Variants in PHF21B observed in about 807,000 individuals in gnomAD.
The protein encoded by PHF21B is PHD finger protein 4.
PHF21B carries 22 observed loss-of-function variants against 62.2 expected under a neutral mutation model. The ratio of observed to expected loss-of-function variants is 0.35; its 90% CI spans 0.25 to 0.51. The LOEUF (loss-of-function observed/expected upper bound fraction) is 0.51. PHF21B is among the 20% of genes least tolerant of loss of function. The pLI, the probability that PHF21B is intolerant of heterozygous loss-of-function variation, is 0.97. For missense variants in PHF21B, 701 were observed against 707.9 expected (o/e 0.99, Z 0.11); for synonymous variants, 341 against 314.7 (o/e 1.08, Z -0.88).
intron 12 of PHF21B, among the ~76,000 whole-genome samples, 158 bp downstream of exon 12, chr22:44,885,268 T>C (rs980766121): frequency 6.6e-6 from 1 of 151,932 alleles, no homozygotes; most frequent in Non-Finnish European, 1.5e-5. Flanking sequence ...GTGGTTTGAA[T>C]GACACGCCTG....
intron 5 of PHF21B, chr22:44,902,491 T>C (rs945153368): frequency 6.0e-6 from 1 of 167,328 alleles, no homozygotes; most frequent in African/African-American, 2.4e-5. Flanking sequence ...GAATTTCGTA[T>C]ACTTTTCCCC....
chr22:44,883,261 C>A lies in PHF21B; in HGVS notation c.1421G>T (p.Gly474Val), dbSNP rs777340651. The A allele has an allele frequency of 6.8e-6, 11 of 1,613,744 alleles. No homozygotes were observed. The highest frequency in any genetic ancestry group is 1.3e-5 in the African/African-American group (1 of 74,902). Residue 474 changes from glycine (G) to valine (V), a missense_variant, in exon 13 of 13, where the codon GGC (glycine) becomes GTC (valine). By Grantham distance (109) the Gly-to-Val change is moderately radical. Transcript: ENST00000313237. ...LKTSLLARQR[G>V]TQSSLDRLRA... The stretch of plus-strand genomic sequence containing the variant: ...CAGGCGGTCCAGGGATGACTGGGTG[C>A]CCCTCTGGCGGGCCAGCAGGCTTGT...
At chr22:44,939,272 A>C (rs989340183) in intron 2 of PHF21B, among the ~76,000 whole-genome samples, 11 of 152,270 alleles carry the variant, frequency 7.2e-5, no homozygotes, top group Admixed American at 6.5e-5. Flanking sequence ...ACGGCTGGGG[A>C]GACTCTGAAG....
chr22:44,909,646 C>G (rs2071311201), intron 5 of PHF21B, among the ~76,000 whole-genome samples: 1 of 152,252 alleles, frequency 6.6e-6, no homozygotes, highest in African/African-American at 2.4e-5. Context: ...GGACCAGGTT[C>G]CCACGTCTGT....
intron 2 of PHF21B, among the ~76,000 whole-genome samples, chr22:44,921,070 C>G (rs2071526183): frequency 6.6e-6 from 1 of 152,238 alleles, no homozygotes; most frequent in Non-Finnish European, 1.5e-5. Context: ...TTTTCAGGCC[C>G]TTGGTGCATA....
chr22:44,927,518 G>A (rs536182474), intron 2 of PHF21B, among the ~76,000 whole-genome samples: 23 of 152,278 alleles, frequency 1.5e-4, no homozygotes, highest in African/African-American at 5.5e-4. Context: ...AAACAGGGCT[G>A]CCTTGCAGGG....
At chr22:44,927,047 CCTTA>C (rs1413305902) in intron 2 of PHF21B, among the ~76,000 whole-genome samples, 5 of 152,046 alleles carry the variant, frequency 3.3e-5, no homozygotes, top group Non-Finnish European at 5.9e-5. Context: ...ACTCCTGTGC[CCTTA>C]CTTTAGGAAT....
intron 2 of PHF21B, among the ~76,000 whole-genome samples, chr22:44,961,533 C>T (rs958275431): frequency 5.3e-5 from 8 of 152,088 alleles, no homozygotes; most frequent in Non-Finnish European, 1.2e-4. Context: ...TGTTCCTGCT[C>T]TATTTGCTTA....
chr22:45,005,994 G>C (rs2073307363), intron 2 of PHF21B, among the ~76,000 whole-genome samples: 1 of 152,024 alleles, frequency 6.6e-6, no homozygotes, highest in Non-Finnish European at 1.5e-5. Context: ...CTTGTTCATC[G>C]ACCTTTCCCC....
chr22:45,002,015 T>C (rs2073229602), intron 2 of PHF21B: 1 of 152,236 alleles, frequency 6.6e-6, no homozygotes, highest in Admixed American at 6.5e-5. Context: ...AGAATTCTTC[T>C]TTATCTCCTA....
chr22:44,929,426 G>A (rs192591260), intron 2 of PHF21B, among the ~76,000 whole-genome samples: 10 of 152,338 alleles, frequency 6.6e-5, no homozygotes, highest in Admixed American at 4.6e-4. Flanking sequence ...GGGCCACGGC[G>A]AGTGCATGTG....
At chr22:44,937,191 G>A (rs2071867174) in intron 2 of PHF21B, among the ~76,000 whole-genome samples, 1 of 152,108 alleles carries the variant, frequency 6.6e-6, no homozygotes, top group South Asian at 2.1e-4. Context: ...CTGAAGAAGT[G>A]GAAGGATGAG....
intron 2 of PHF21B, among the ~76,000 whole-genome samples, chr22:44,959,707 G>A (rs749822606): frequency 1.6e-4 from 25 of 152,284 alleles, no homozygotes; most frequent in Admixed American, 3.3e-4. Context: ...TGCTACCCAC[G>A]GGAAAAGTCT....
intron 5 of PHF21B, among the ~76,000 whole-genome samples, chr22:44,902,935 C>CA (rs1454097752): frequency 6.6e-6 from 1 of 152,216 alleles, no homozygotes. Context: ...AGAAGCAACT[C>CA]AAAGGCTCTG....
intron 2 of PHF21B, among the ~76,000 whole-genome samples, chr22:44,974,199 AG>A: frequency 6.6e-6 from 1 of 152,072 alleles, no homozygotes. Context: ...GGATCACTTG[AG>A]GGCCAGGAGT....
chr22:44,987,667 G>GA (rs139481652), intron 2 of PHF21B, among the ~76,000 whole-genome samples: 2,391 of 151,982 alleles, frequency 0.016, 46 homozygotes, highest in African/African-American at 0.051. Flanking sequence ...ATTACATCCG[G>GA]ACCCCAGCTG....
chr22:44,961,493 T>C (rs917317327), intron 2 of PHF21B, among the ~76,000 whole-genome samples: 1 of 152,168 alleles, frequency 6.6e-6, no homozygotes, highest in Non-Finnish European at 1.5e-5. Flanking sequence ...TAGCTCTTAC[T>C]TCCAAGTGAA....
intron 12 of PHF21B, among the ~76,000 whole-genome samples, chr22:44,884,509 C>T (rs973888881): frequency 5.9e-5 from 9 of 151,878 alleles, no homozygotes; most frequent in African/African-American, 7.2e-5. Flanking sequence ...GTCACCACCA[C>T]CACCATCACT....
At chr22:44,952,826 G>C (rs1367553130) in intron 2 of PHF21B, among the ~76,000 whole-genome samples, 1 of 152,154 alleles carries the variant, frequency 6.6e-6, no homozygotes, top group African/African-American at 2.4e-5. Flanking sequence ...ACGTGAATGG[G>C]GTGCTAGGCG....
Sources: gnomAD v4.1 joint callset for allele counts (sites outside exome capture counted in the v4.1 genomes callset) on GRCh38, gnomAD v4.1.1 for gene constraint, MANE v1.5 for transcripts, NCBI Gene and HGNC (gene_info 2026-07-23, HGNC 2026-07-21) for gene names.